RIPK1: variants seen among roughly 807,000 people sequenced by gnomAD.
RIPK1 encodes the protein receptor-interacting serine/threonine-protein kinase 1.
In RIPK1, 27 loss-of-function variants were observed where a neutral mutation model predicts 62.4. The observed-to-expected ratio is 0.43, with a 90% CI of 0.32 to 0.60. The LOEUF (loss-of-function observed/expected upper bound fraction) is 0.60, where lower values mean the gene tolerates loss of function less well. Among genes scored for constraint, RIPK1 ranks in the 20% least tolerant of loss-of-function variants. The probability of loss-of-function intolerance (pLI) is 0.07; values close to 1 mark genes in which losing one functional copy is unlikely to be tolerated. For synonymous variants in RIPK1, 287 were observed against 303.2 expected (o/e 0.95, Z 0.55); for missense variants, 735 against 831.0 (o/e 0.88, Z 1.42).
chr6:3,110,722 G>A, intron 9 of RIPK1, 81 bp from the exon 10 acceptor site: 1 of 853,624 alleles, frequency 1.2e-6, no homozygotes, highest in Non-Finnish European at 1.8e-6. Context: ...TTGGCATAAA[G>A]CCCTGCTTTT....
upstream of RIPK1, among the ~76,000 whole-genome samples, chr6:3,065,681 C>T (rs538332532): frequency 2.0e-5 from 3 of 152,156 alleles, no homozygotes; most frequent in African/African-American, 7.2e-5. Context: ...AAGAGACCTA[C>T]CCCCTCATAT....
At chr6:3,075,076 T>C (rs941823673) in intron 1 of RIPK1, among the ~76,000 whole-genome samples, 8 of 152,252 alleles carry the variant, frequency 5.3e-5, no homozygotes, top group African/African-American at 1.9e-4. Flanking sequence ...CACACCAGTG[T>C]GTCCGTGTCC....
chr6:3,075,651 T>C (rs1165812750), intron 1 of RIPK1, among the ~76,000 whole-genome samples: 3 of 152,180 alleles, frequency 2.0e-5, no homozygotes, highest in East Asian at 1.9e-4. Flanking sequence ...AGGGAGCTCA[T>C]GTTAAATTTG....
rs762882089 is a variant in RIPK1, at chr6:3,104,245, T to C, written c.936T>C (p.Asn312=). 5 of 1,587,600 alleles carry C rather than the reference T, an allele frequency of 3.1e-6. No homozygotes were observed. The highest frequency in any genetic ancestry group is 2.7e-5 in the African/African-American group (2 of 74,446). ...TATAGAAAGAGTATTCAAACGAAAA[T>C]GCAGTTGTGAAGAGAATGCAGTCTC... ...KSLKKEYSNE[N]AVVKRMQSLQ... Residue 312 remains asparagine (N), a synonymous_variant, in exon 8 of 11, where the codon AAT becomes AAC. Transcript: ENST00000259808.
chr6:3,066,079 G>T (rs577440721), upstream of RIPK1, among the ~76,000 whole-genome samples: 1 of 152,088 alleles, frequency 6.6e-6, no homozygotes, highest in Non-Finnish European at 1.5e-5. Context: ...TGTCACCCAG[G>T]CTGGAGCAAT....
At chr6:3,068,293 C>T (rs1332575909), upstream of RIPK1, 1 of 985,614 alleles carries the variant, frequency 1.0e-6, no homozygotes, top group Admixed American at 6.1e-5. Flanking sequence ...ACCCTTCTCC[C>T]TCTCGTGCGC....
At chr6:3,085,830 G>A (rs1759658805) in intron 6 of RIPK1, among the ~76,000 whole-genome samples, 1 of 151,756 alleles carries the variant, frequency 6.6e-6, no homozygotes, top group Non-Finnish European at 1.5e-5. Context: ...TATATAAGTG[G>A]AATCATACAG....
At chr6:3,096,958 C>T (rs188419237) in intron 7 of RIPK1, among the ~76,000 whole-genome samples, 290 of 152,108 alleles carry the variant, frequency 1.9e-3, no homozygotes, top group Non-Finnish European at 2.6e-3. Context: ...GAAACCTCTG[C>T]CTCCCGCGTT....
chr6:3,082,083 G>C (rs1434190117), intron 4 of RIPK1, among the ~76,000 whole-genome samples: 1 of 152,050 alleles, frequency 6.6e-6, no homozygotes, highest in Admixed American at 6.6e-5. Context: ...TTTAGCTAGG[G>C]GGAGTGTCAT....
rs568216097 is a variant in RIPK1, at chr6:3,112,707, A to T, written c.1730-346A>T. 6.6e-3 allele frequency among the ~76,000 whole-genome samples: 988 copies of T among 150,450 alleles called. 4 individuals are homozygous for T. The highest frequency in any genetic ancestry group is 0.011 in the Non-Finnish European group (718 of 67,416). ...CACCATACCCAGCTAATTAAAAAAA[A>T]TTTTTTTTTTGGTAGAGACAGGTTC... On this transcript the variant is annotated intron_variant, in intron 10 of 10. Transcript: ENST00000259808.
chr6:3,110,728 C>T, intron 9 of RIPK1, 75 bp from the exon 10 acceptor site: 1 of 924,162 alleles, frequency 1.1e-6, no homozygotes, highest in South Asian at 1.9e-5. Context: ...TAAAGCCCTG[C>T]TTTTTTGCCA....
intron 9 of RIPK1, among the ~76,000 whole-genome samples, chr6:3,106,812 G>C (rs1034837796): frequency 6.6e-6 from 1 of 152,194 alleles, no homozygotes; most frequent in African/African-American, 2.4e-5. Flanking sequence ...CAAAATATTG[G>C]ATTAGACATT....
At chr6:3,081,444 A>G (rs1759376657) in intron 4 of RIPK1, among the ~76,000 whole-genome samples, 1 of 152,164 alleles carries the variant, frequency 6.6e-6, no homozygotes, top group South Asian at 2.1e-4. Context: ...TCATCCTGGA[A>G]TGGGCCATTG....
chr6:3,086,888 T>G (rs1006745852), intron 6 of RIPK1, among the ~76,000 whole-genome samples: 4 of 152,250 alleles, frequency 2.6e-5, no homozygotes, highest in African/African-American at 7.2e-5. Context: ...TAGCTTGGTC[T>G]TTCTGGTTGC....
intron 7 of RIPK1, among the ~76,000 whole-genome samples, chr6:3,099,348 T>C (rs1345360791): frequency 1.3e-5 from 2 of 152,052 alleles, no homozygotes; most frequent in African/African-American, 4.8e-5. Context: ...ATCGAGACCA[T>C]CCTGGCTAAC....
intron 7 of RIPK1, among the ~76,000 whole-genome samples, chr6:3,090,699 G>A (rs1045800682): frequency 6.6e-6 from 1 of 151,996 alleles, no homozygotes; most frequent in African/African-American, 2.4e-5. Context: ...AAGACAGAAA[G>A]AACATGACGA....
rs920227838 is a variant in RIPK1, at chr6:3,082,969, A to C, written c.460-116A>C. 22 of 967,954 alleles carry C rather than the reference A, an allele frequency of 2.3e-5. No homozygotes were observed. In the Middle Eastern group the frequency reaches 1.4e-3, roughly 60 times the overall value. 60.0% of individuals were successfully genotyped at this position (967,954 alleles called of 1,614,324 possible). On this transcript the variant is annotated intron_variant, in intron 4 of 10. Coordinates refer to ENST00000259808, the MANE Select transcript of RIPK1 (RefSeq NM_001354930.2). The stretch of plus-strand genomic sequence containing the variant: ...TGTTTTGAACCTGCCCAGTGCAACC[A>C]TTTCTGGAAAATTTACCGTACCTTA...
rs563583884 is a variant in RIPK1 at position 3,102,825 on chromosome 6, A to C, written c.916-1400A>C. ...TCACCATGTTGTCCAGGCTGGTCTC[A>C]AACTCCTAACCTCAGGTGATCTGAG... On this transcript the variant is annotated intron_variant, in intron 7 of 10. Coordinates refer to ENST00000259808, the MANE Select transcript of RIPK1 (RefSeq NM_001354930.2). Among the ~76,000 whole-genome samples the C allele has an allele frequency of 3.3e-5, 5 of 152,238 alleles. No individual in the cohort carries two copies. The South Asian group carries it at 1.0e-3, about 32-fold the overall frequency.
At chr6:3,068,334 G>A (rs1274505012), upstream of RIPK1, 8 of 985,338 alleles carry the variant, frequency 8.1e-6, no homozygotes, top group Non-Finnish European at 8.4e-6. Flanking sequence ...TTTTACGTAG[G>A]CCGCCCCACT....
Sources: gnomAD v4.1 joint callset for allele counts (sites outside exome capture counted in the v4.1 genomes callset) on GRCh38, gnomAD v4.1.1 for gene constraint, MANE v1.5 for transcripts, NCBI Gene and HGNC (gene_info 2026-07-23, HGNC 2026-07-21) for gene names.